ACAP2: variants seen among roughly 807,000 people sequenced by gnomAD.
The protein encoded by ACAP2 is arf-GAP with coiled-coil, ANK repeat and PH domain-containing protein 2.
In ACAP2, 39 loss-of-function variants were observed where a neutral mutation model predicts 115.8. The observed-to-expected ratio is 0.34, with a 90% CI of 0.26 to 0.44. ACAP2 has a LOEUF of 0.44. Ranked by LOEUF, ACAP2 falls within the 20% of genes least tolerant of loss-of-function variation. ACAP2 has a pLI of 1.00. For synonymous variants in ACAP2, 289 were observed against 315.8 expected (o/e 0.92, Z 0.90); for missense variants, 662 against 927.6 (o/e 0.71, Z 3.72).
chr3:195,403,259 G>A (rs1178094790), intron 1 of ACAP2, among the ~76,000 whole-genome samples: 1 of 152,158 alleles, frequency 6.6e-6, no homozygotes, highest in Non-Finnish European at 1.5e-5. Context: ...GAAAGGGAGA[G>A]AGCTGCGGAA....
intron 10 of ACAP2, among the ~76,000 whole-genome samples, chr3:195,313,882 A>G (rs992083245): frequency 6.6e-6 from 1 of 152,192 alleles, no homozygotes; most frequent in Non-Finnish European, 1.5e-5. Flanking sequence ...CCTGAAAGGA[A>G]GCTGCCACAC....
chr3:195,334,819 G>A (rs899885702), intron 7 of ACAP2, among the ~76,000 whole-genome samples: 1 of 152,048 alleles, frequency 6.6e-6, no homozygotes, highest in Non-Finnish European at 1.5e-5. Context: ...CTTTGACTAT[G>A]TAATCTCTTG....
chr3:195,393,701 C>G (rs144142765), intron 1 of ACAP2, among the ~76,000 whole-genome samples: 6 of 152,132 alleles, frequency 3.9e-5, no homozygotes, highest in Admixed American at 2.0e-4. Flanking sequence ...AATTTACACA[C>G]GAGAACAAAT....
At chr3:195,428,122 T>C (rs1333494086) in intron 1 of ACAP2, among the ~76,000 whole-genome samples, 1 of 151,862 alleles carries the variant, frequency 6.6e-6, no homozygotes, top group Non-Finnish European at 1.5e-5. Context: ...CAGTATTATG[T>C]CATAACAACT....
intron 1 of ACAP2, among the ~76,000 whole-genome samples, chr3:195,407,643 G>A (rs1032899763): frequency 6.6e-6 from 1 of 152,124 alleles, no homozygotes; most frequent in Non-Finnish European, 1.5e-5. Context: ...ATTGCAGTGA[G>A]ATGAGATGAT....
At chr3:195,341,623 C>G (rs1005898945) in intron 6 of ACAP2, among the ~76,000 whole-genome samples, 2 of 151,652 alleles carry the variant, frequency 1.3e-5, no homozygotes, top group African/African-American at 4.8e-5. Context: ...GCGCCTGGCC[C>G]AGATTTCTAG....
intron 10 of ACAP2, among the ~76,000 whole-genome samples, chr3:195,311,588 G>A (rs1331401385): frequency 1.3e-5 from 2 of 152,212 alleles, no homozygotes; most frequent in African/African-American, 4.8e-5. Flanking sequence ...CCAGGTTGGA[G>A]TGCAATGGCA....
intron 1 of ACAP2, among the ~76,000 whole-genome samples, chr3:195,435,456 G>A (rs1404723582): frequency 2.0e-5 from 3 of 151,782 alleles, no homozygotes; most frequent in East Asian, 3.9e-4. Flanking sequence ...ATGAGCCACT[G>A]CACCCGGCCT....
intron 1 of ACAP2, among the ~76,000 whole-genome samples, chr3:195,440,626 A>G (rs60781528): frequency 6.6e-6 from 1 of 152,250 alleles, no homozygotes; most frequent in Non-Finnish European, 1.5e-5. Context: ...AAGTTTCACT[A>G]TCACTCAACA....
intron 2 of ACAP2, among the ~76,000 whole-genome samples, chr3:195,385,387 G>GT (rs1491264273): frequency 4.4e-5 from 5 of 112,548 alleles, no homozygotes; most frequent in Non-Finnish European, 8.9e-5. Context: ...AACAAACTTA[G>GT]TAAAAAAAAA....
intron 4 of ACAP2, among the ~76,000 whole-genome samples, chr3:195,370,027 T>C (rs1160212578): frequency 3.3e-5 from 5 of 152,266 alleles, no homozygotes; most frequent in Non-Finnish European, 7.3e-5. Flanking sequence ...CAACATTTCT[T>C]CACAGGCTTC....
intron 9 of ACAP2, among the ~76,000 whole-genome samples, chr3:195,321,309 GC>G (rs1360638422): frequency 1.4e-5 from 2 of 139,062 alleles, no homozygotes; most frequent in Admixed American, 1.6e-4. Flanking sequence ...TACAACCTCT[GC>G]CTCCCGGGTT....
chr3:195,362,504 T>A (rs6771771), intron 4 of ACAP2, among the ~76,000 whole-genome samples: 36,179 of 151,632 alleles, frequency 0.24, 5,069 homozygotes, highest in East Asian at 0.71. Flanking sequence ...GATACCAAAA[T>A]CAGACAGAGA....
At chr3:195,300,358 C>A (rs375647322) in intron 15 of ACAP2, among the ~76,000 whole-genome samples, 11 of 152,026 alleles carry the variant, frequency 7.2e-5, no homozygotes, top group African/African-American at 2.7e-4. Context: ...GGATTTCAGA[C>A]AGAAACAAAT....
chr3:195,333,310 T>A (rs1017107522), intron 7 of ACAP2, among the ~76,000 whole-genome samples, 187 bp from the exon 8 acceptor site: 1 of 152,186 alleles, frequency 6.6e-6, no homozygotes. Flanking sequence ...CAGGTGATTC[T>A]CCCACTTCAG....
At chr3:195,301,917 CTG>C (rs757550412) in intron 14 of ACAP2, 47 bp downstream of exon 14, 2 of 1,576,922 alleles carry the variant, frequency 1.3e-6, no homozygotes, top group Non-Finnish European at 1.7e-6. Flanking sequence ...CCATTTCTAT[CTG>C]TGTTTATCCA....
chr3:195,392,168 A>G (rs747212323), intron 1 of ACAP2, 21 bp from the exon 2 acceptor site: 6 of 1,591,056 alleles, frequency 3.8e-6, no homozygotes, highest in Non-Finnish European at 5.2e-6. Context: ...TAAATATAAA[A>G]TAAGTTATTT....
At chr3:195,373,610 T>C (rs1224552601) in intron 4 of ACAP2, among the ~76,000 whole-genome samples, 1 of 152,208 alleles carries the variant, frequency 6.6e-6, no homozygotes, top group Non-Finnish European at 1.5e-5. Context: ...TTAACTTATA[T>C]GAAGCAGTCC....
At chr3:195,351,522 C>T (rs992570148) in intron 4 of ACAP2, among the ~76,000 whole-genome samples, 2 of 148,220 alleles carry the variant, frequency 1.3e-5, no homozygotes, top group Non-Finnish European at 3.0e-5. Context: ...AGTGCAGTGG[C>T]GTGATGTCAG....
Sources: gnomAD v4.1 joint callset for allele counts (sites outside exome capture counted in the v4.1 genomes callset) on GRCh38, gnomAD v4.1.1 for gene constraint, MANE v1.5 for transcripts, NCBI Gene and HGNC (gene_info 2026-07-23, HGNC 2026-07-21) for gene names.